AARSD1: variants seen among roughly 807,000 people sequenced by gnomAD.
AARSD1 encodes alanyl-tRNA synthetase domain containing 1, also known as alanyl-tRNA editing protein Aarsd1.
In AARSD1, 44 loss-of-function variants were observed where a neutral mutation model predicts 48.7. That is an observed-to-expected ratio of 0.90 (90% confidence interval 0.71 to 1.16). The LOEUF is 1.16. Ranked by LOEUF, AARSD1 falls within the 50% of genes most tolerant of loss-of-function variation. The pLI is 0.00. For synonymous variants in AARSD1, 189 were observed against 194.9 expected, an observed-to-expected ratio of 0.97 and a Z score of 0.25; for missense variants, 511 against 523.1, an observed-to-expected ratio of 0.98 and a Z score of 0.23.
Position 42,964,398 on chromosome 17 carries a change from G to A in AARSD1, c.39+4C>T, listed in dbSNP as rs1256931374. 4 of 1,551,892 alleles carry A rather than the reference G, an allele frequency of 2.6e-6. No individual in the cohort carries two copies. Among genetic ancestry groups the A allele is most frequent in the Middle Eastern group, 1.7e-4 (1 of 5,816 alleles). The stretch of plus-strand genomic sequence containing the variant: ...GTCTCAAGTGCCTCGCCGTGACGCC[G>A]TACCTCTCGGGCATAACTGTCACGC... On this transcript the variant is annotated splice_donor_region_variant and intron_variant, in intron 1 of 11. Coordinates refer to ENST00000427569, the MANE Select transcript of AARSD1 (RefSeq NM_001261434.2).
intron 10 of AARSD1, 58 bp downstream of exon 10, chr17:42,953,666 C>T: frequency 6.2e-7 from 1 of 1,613,384 alleles, no homozygotes; most frequent in Non-Finnish European, 8.5e-7. Context: ...GCGCCCCTCA[C>T]TTATGTCTCC....
chr17:42,955,175 T>C lies in AARSD1; in HGVS notation c.844A>G (p.Thr282Ala). 4 of 1,614,134 alleles carry C rather than the reference T, an allele frequency of 2.5e-6. No homozygotes were observed. The highest frequency in any genetic ancestry group is 3.4e-6 in the Non-Finnish European group (4 of 1,180,016). ...VEAVKKLQNS[T>A]KILQKNNLNL... ...TAAATCACCTTCTGCAGGATCTTGG[T>C]GGAGTTCTGGAGCTTTTTCACTGCT... Residue 282 changes from threonine to alanine, a missense_variant, in exon 8 of 12, where the codon ACC becomes GCC. Thr to Ala is a moderately conservative substitution (Grantham distance 58, BLOSUM62 0). Coordinates refer to ENST00000427569, the MANE Select transcript of AARSD1 (RefSeq NM_001261434.2).
Position 42,953,768 on chromosome 17 carries a change from C to A in AARSD1, c.964G>T (p.Asp322Tyr). 1 of 1,614,168 alleles carries A rather than the reference C, an allele frequency of 6.2e-7. No individual in the cohort carries two copies. Among genetic ancestry groups the A allele is most frequent in the Non-Finnish European group, 8.5e-7 (1 of 1,180,006 alleles). Reference protein sequence around the residue: ...GVVILHRKEGDSEFMNIIANE... With the variant: ...GVVILHRKEGYSEFMNIIANE... ...GCAATGATATTCATGAACTCTGAATCACCCTCCTTCCTACAACAAAGGACA... is the reference window on the plus strand; with the variant it reads ...GCAATGATATTCATGAACTCTGAATAACCCTCCTTCCTACAACAAAGGACA... Residue 322 changes from aspartate to tyrosine, a missense_variant, in exon 10 of 12, where the codon GAT becomes TAT. By Grantham distance (160) the Asp-to-Tyr change is radical. Coordinates refer to ENST00000427569, the MANE Select transcript of AARSD1 (RefSeq NM_001261434.2).
intron 9 of AARSD1, 33 bp from the exon 10 acceptor site, chr17:42,953,811 T>C (rs2151940132): frequency 6.2e-7 from 1 of 1,614,030 alleles, no homozygotes; most frequent in Middle Eastern, 1.7e-4. Flanking sequence ...GAGACCCAGG[T>C]TGGAGTGGTG....
chr17:42,960,557 T>C (rs971674451), intron 3 of AARSD1, among the ~76,000 whole-genome samples: 11 of 151,706 alleles, frequency 7.3e-5, no homozygotes, highest in Admixed American at 3.9e-4. Context: ...ACACCGTCTC[T>C]ATTAAAAATA....
At chr17:42,961,961 C>T (rs1378839373) in intron 2 of AARSD1, among the ~76,000 whole-genome samples, 1 of 151,796 alleles carries the variant, frequency 6.6e-6, no homozygotes, top group Non-Finnish European at 1.5e-5. Flanking sequence ...TATGATTGCT[C>T]CACTACACTC....
intron 3 of AARSD1, 23 bp from the exon 4 acceptor site, chr17:42,957,218 A>C (rs1161615933): frequency 6.2e-7 from 1 of 1,612,876 alleles, no homozygotes; most frequent in Non-Finnish European, 8.5e-7. Flanking sequence ...AGCCAGAGAC[A>C]GGAGAAAAGT....
chr17:42,960,685 G>GCAC (rs1454191995), intron 3 of AARSD1, among the ~76,000 whole-genome samples: 1 of 149,128 alleles, frequency 6.7e-6, no homozygotes, highest in East Asian at 2.0e-4. Flanking sequence ...TCGCACCATT[G>GCAC]CACTCCAGCC....
intron 4 of AARSD1, 26 bp from the exon 5 acceptor site, chr17:42,956,586 T>C (rs950031231): frequency 4.5e-6 from 7 of 1,550,378 alleles, no homozygotes; most frequent in South Asian, 2.3e-5. Flanking sequence ...TGGCCACAGA[T>C]AACATATCTT....
At chr17:42,964,038 G>A in intron 2 of AARSD1, 68 bp downstream of exon 2, 1 of 1,602,926 alleles carries the variant, frequency 6.2e-7, no homozygotes, top group Non-Finnish European at 8.5e-7. Context: ...AGAAAAAAGG[G>A]GCAGGAGAGC....
intron 7 of AARSD1, 77 bp downstream of exon 7, chr17:42,955,765 C>T: frequency 6.3e-7 from 1 of 1,592,694 alleles, no homozygotes; most frequent in Non-Finnish European, 8.6e-7. Flanking sequence ...ACGATTGCAT[C>T]TTATCTCCCA....
intron 10 of AARSD1, among the ~76,000 whole-genome samples, chr17:42,953,101 T>C (rs1287002288): frequency 6.6e-6 from 1 of 152,152 alleles, no homozygotes; most frequent in Non-Finnish European, 1.5e-5. Flanking sequence ...TGCCTCAGCC[T>C]CCCGAGTAGC....
chr17:42,962,172 C>T (rs2049646791), intron 2 of AARSD1: 2 of 257,786 alleles, frequency 7.8e-6, no homozygotes, highest in East Asian at 1.6e-4. Context: ...TGGTGGTGCA[C>T]ACCTGTAGTC....
At chr17:42,952,120 A>G in intron 10 of AARSD1, 1 of 535,864 alleles carries the variant, frequency 1.9e-6, no homozygotes, top group Non-Finnish European at 3.3e-6. Flanking sequence ...AGGCAGCAGA[A>G]GACTGCTGAT....
At position 42,955,226 on chromosome 17, in the gene AARSD1, T is replaced by C. The variant is rs2049531712; in HGVS notation, c.795-2A>G. 2.5e-6 allele frequency: 4 copies of C among 1,613,714 alleles called. No individual in the cohort carries two copies. In the East Asian group the frequency reaches 6.7e-5, roughly 27 times the overall value. On this transcript the variant is annotated splice_acceptor_variant, in intron 7 of 11. Coordinates refer to ENST00000427569, the MANE Select transcript of AARSD1 (RefSeq NM_001261434.2). LOFTEE classifies it high-confidence loss of function. The stretch of plus-strand genomic sequence containing the variant: ...TCCACATGATCCTCTGCTCCACACC[T>C]GAAAGAGAAAGGTCAGAGGAGACCT...
intron 10 of AARSD1, 162 bp from the exon 11 acceptor site, chr17:42,952,056 A>G: frequency 1.3e-6 from 1 of 756,514 alleles, no homozygotes. Context: ...CTGGCCCACG[A>G]GGGCCAAGAA....
intron 10 of AARSD1, 140 bp downstream of exon 10, chr17:42,953,584 A>T: frequency 9.1e-7 from 1 of 1,097,662 alleles, no homozygotes; most frequent in Non-Finnish European, 1.3e-6. Context: ...GCTAGTACTA[A>T]GAAAACAGTA....
chr17:42,954,772 C>T lies in AARSD1; in HGVS notation c.953+104G>A, dbSNP rs375117210. The T allele has an allele frequency of 2.8e-4, 358 of 1,271,886 alleles. 3 individuals carry two copies. The South Asian group carries it at 4.2e-3, about 15-fold the overall frequency. 78.8% of individuals were successfully genotyped at this position (1,271,886 alleles called of 1,614,324 possible). On this transcript the variant is annotated intron_variant, in intron 9 of 11. Transcript: ENST00000427569. ...TAGGATCTACTCAACCTTGAGAATA[C>T]CAGTGAGCAATCCACCTCCCACTGT... is the stretch of plus-strand genomic sequence containing the variant.
At chr17:42,957,476 CT>C (rs1165420812) in intron 3 of AARSD1, 9,259 of 82,544 alleles carry the variant, frequency 0.11, 104 homozygotes, top group Middle Eastern at 0.16. Context: ...ACTTAACTTC[CT>C]TTTTTTTTTT....
Sources: gnomAD v4.1 joint callset for allele counts (sites outside exome capture counted in the v4.1 genomes callset) on GRCh38, gnomAD v4.1.1 for gene constraint, MANE v1.5 for transcripts, NCBI Gene and HGNC (gene_info 2026-07-23, HGNC 2026-07-21) for gene names.